The following CCNI variants were observed in gnomAD, a reference collection of about 807,000 sequenced individuals.
The protein encoded by CCNI is cyclin I.
Under a neutral mutation model 34.1 loss-of-function variants are expected in CCNI, and 14 were observed. The ratio of observed to expected loss-of-function variants is 0.41; its 90% CI spans 0.27 to 0.64. CCNI has a LOEUF of 0.64. Ranked by LOEUF, CCNI falls within the 30% of genes least tolerant of loss-of-function variation. The pLI, the probability that CCNI is intolerant of heterozygous loss-of-function variation, is 0.31. For missense variants in CCNI, 385 were observed against 440.5 expected (o/e 0.87, Z 1.13); for synonymous variants, 154 against 158.4 (o/e 0.97, Z 0.21).
In CCNI at chr4:77,069,369, A is replaced by T. The variant is rs1435525410; in HGVS notation, c.-43-2964T>A. On this transcript the variant is annotated intron_variant, in intron 1 of 6. Coordinates refer to ENST00000237654, the MANE Select transcript of CCNI (RefSeq NM_006835.3). ...CACTGCACTCCAGCCCCAGCAACAGAATGAGACCGTGTCTCCAAATAAAGA... is the reference window on the plus strand; with the variant it reads ...CACTGCACTCCAGCCCCAGCAACAGTATGAGACCGTGTCTCCAAATAAAGA... Among the ~76,000 whole-genome samples the T allele has an allele frequency of 3.9e-5, 6 of 152,150 alleles. No homozygotes were observed. The South Asian group carries it at 6.2e-4, about 16-fold the overall frequency.
intron 2 of CCNI, among the ~76,000 whole-genome samples, chr4:77,065,878 C>T (rs1728999174): frequency 6.6e-6 from 1 of 152,182 alleles, no homozygotes; most frequent in African/African-American, 2.4e-5. Flanking sequence ...GGCTGGTGGA[C>T]TGCTTGAGCT....
rs772326265 is a variant in CCNI, at chr4:77,048,508, G to A, written c.845C>T (p.Ser282Phe). The part of the protein sequence containing the change: ...CDKGVFRLHP[S>F]SVPGPDFSKD... Reference sequence around the variant, plus strand: ...GGAGAAGTCTGGGCCTGGGACAGAGGAGGGATGTAATCTGAACACTCCTTT... The same window carrying A: ...GGAGAAGTCTGGGCCTGGGACAGAGAAGGGATGTAATCTGAACACTCCTTT... Residue 282 changes from serine (S) to phenylalanine (F), a missense_variant, in exon 7 of 7, where the codon TCC becomes TTC. Ser to Phe is a radical substitution (Grantham distance 155). Around this residue, in one of 2 missense-constraint regions of CCNI, gnomAD observed 250 missense variants for 248.7 expected, o/e 1.01. Coordinates refer to ENST00000237654, the MANE Select transcript of CCNI (RefSeq NM_006835.3). 12 of 1,614,010 alleles carry A rather than the reference G, an allele frequency of 7.4e-6. No individual in the cohort carries two copies. The East Asian group carries it at 1.8e-4, about 24-fold the overall frequency.
intron 2 of CCNI, among the ~76,000 whole-genome samples, chr4:77,060,057 T>C (rs948528950): frequency 6.6e-6 from 1 of 151,396 alleles, no homozygotes; most frequent in Non-Finnish European, 1.5e-5. Context: ...AGAACACCAT[T>C]AACTCTAACC....
At chr4:77,075,445 G>T in intron 1 of CCNI, 27 bp downstream of exon 1, 1 of 797,472 alleles carries the variant, frequency 1.3e-6, no homozygotes, top group African/African-American at 2.4e-5. Flanking sequence ...GACGCGTCGA[G>T]CCCCCGCCCC....
At position 77,048,400 on chromosome 4, in the gene CCNI, T is replaced by C. The variant is rs1262413743; in HGVS notation, c.953A>G (p.Gln318Arg). 2 of 1,614,178 alleles carry C rather than the reference T, an allele frequency of 1.2e-6. No homozygotes were observed. Among genetic ancestry groups the C allele is most frequent in the Non-Finnish European group, 1.7e-6 (2 of 1,180,016 alleles). The change falls in exon 7 of 7, where the codon CAG becomes CGG. Residue 318 changes from glutamine to arginine, a missense_variant. This residue lies in a region of CCNI where 250 missense variants were observed against 248.7 expected (regional missense o/e 1.01). Coordinates refer to ENST00000237654, the MANE Select transcript of CCNI (RefSeq NM_006835.3). Reference protein sequence around the residue: ...HHLPAASGCKQTSTKRKVEEM... With the variant: ...HHLPAASGCKRTSTKRKVEEM... Reference sequence around the variant, plus strand: ...CTCTACTTTGCGTTTAGTAGAGGTCTGCTTGCACCCACTGGCAGCTGGGAG... The same window carrying C: ...CTCTACTTTGCGTTTAGTAGAGGTCCGCTTGCACCCACTGGCAGCTGGGAG...
Position 77,075,640 on chromosome 4 carries a change from G to A in CCNI, c.-212C>T. The A allele has an allele frequency of 2.3e-6, 2 of 878,428 alleles. No homozygotes were observed. The highest frequency in any genetic ancestry group is 2.7e-6 in the Non-Finnish European group (2 of 734,986). The allele number at this position is 878,428 out of a possible 1,614,324, so 54.4% of individuals were successfully genotyped here. ...AGGAGGGAGAAAGGGGAAGCGGATCGGGGGGCGCGGGCGCGGGCGCTGGCG... is the reference window on the plus strand; with the variant it reads ...AGGAGGGAGAAAGGGGAAGCGGATCAGGGGGCGCGGGCGCGGGCGCTGGCG... On this transcript the variant is annotated 5_prime_UTR_variant, in exon 1 of 7. Transcript: ENST00000237654.
chr4:77,051,341 A>G (rs745599258), intron 6 of CCNI, among the ~76,000 whole-genome samples: 3 of 152,234 alleles, frequency 2.0e-5, no homozygotes, highest in African/African-American at 4.8e-5. Flanking sequence ...GTCACTGGGC[A>G]TAATAAATGC....
At chr4:77,060,559 G>A (rs2109815938) in intron 2 of CCNI, among the ~76,000 whole-genome samples, 1 of 151,728 alleles carries the variant, frequency 6.6e-6, no homozygotes, top group East Asian at 1.9e-4. Context: ...CCAGCCCCAA[G>A]TGATCCTCCC....
Position 77,055,376 on chromosome 4 carries a change from T to C in CCNI, c.464A>G (p.His155Arg). The change falls in exon 6 of 7, where the codon CAT becomes CGT. Residue 155 changes from histidine to arginine, a missense_variant. Physicochemically the swap from His to Arg is conservative, Grantham distance 29. Around this residue, in one of 2 missense-constraint regions of CCNI, gnomAD observed 135 missense variants for 191.8 expected, o/e 0.70. Coordinates refer to ENST00000237654, the MANE Select transcript of CCNI (RefSeq NM_006835.3). ...AGGCCTAGTTGACACTGCAATGGCA[T>C]GGAACTGAAAATCACAAGAACATCA... ...ATPLDFLHIF[H>R]AIAVSTRPQL... 2 of 1,605,212 alleles carry C rather than the reference T, an allele frequency of 1.2e-6. No homozygotes were observed. The highest frequency in any genetic ancestry group is 1.7e-6 in the Non-Finnish European group (2 of 1,172,448).
chr4:77,057,187 C>T (rs1728303069), intron 3 of CCNI, among the ~76,000 whole-genome samples: 3 of 152,130 alleles, frequency 2.0e-5, no homozygotes, highest in Admixed American at 1.3e-4. Context: ...CTACATCTAA[C>T]CTACTTTTCA....
intron 6 of CCNI, among the ~76,000 whole-genome samples, chr4:77,051,954 G>T (rs4252923): frequency 0.022 from 3,052 of 141,380 alleles, 46 homozygotes; most frequent in Admixed American, 0.041. Flanking sequence ...CTGTTTTTTT[G>T]TTTTTTTTTT....
intron 1 of CCNI, among the ~76,000 whole-genome samples, chr4:77,074,305 G>T (rs555797665): frequency 1.3e-5 from 2 of 152,226 alleles, no homozygotes; most frequent in African/African-American, 4.8e-5. Flanking sequence ...CTAGTAGAGG[G>T]GCTCAGAATC....
intron 1 of CCNI, among the ~76,000 whole-genome samples, chr4:77,066,928 T>C (rs542224841): frequency 6.6e-6 from 1 of 152,294 alleles, no homozygotes; most frequent in East Asian, 1.9e-4. Context: ...TATTTAACTA[T>C]GAGCTGAATA....
intron 1 of CCNI, among the ~76,000 whole-genome samples, chr4:77,072,725 G>C (rs1237801856): frequency 6.6e-6 from 1 of 151,614 alleles, no homozygotes. Flanking sequence ...GAGACAAATG[G>C]TGTAAAGGTC....
chr4:77,066,096 G>T, intron 2 of CCNI, 153 bp downstream of exon 2: 1 of 637,964 alleles, frequency 1.6e-6, no homozygotes, highest in Non-Finnish European at 2.7e-6. Context: ...GTGAGACCCT[G>T]TTACACAAAA....
chr4:77,071,775 A>C (rs1022653434), intron 1 of CCNI, among the ~76,000 whole-genome samples: 9 of 152,210 alleles, frequency 5.9e-5, no homozygotes, highest in Admixed American at 1.3e-4. Context: ...AGAAATACAA[A>C]ATACCAAAAC....
At chr4:77,072,733 G>A (rs1315431718) in intron 1 of CCNI, among the ~76,000 whole-genome samples, 3 of 151,590 alleles carry the variant, frequency 2.0e-5, no homozygotes, top group African/African-American at 7.3e-5. Flanking sequence ...TGGTGTAAAG[G>A]TCATTATTGG....
intron 2 of CCNI, 83 bp downstream of exon 2, chr4:77,066,166 T>C (rs180824224): frequency 2.6e-5 from 28 of 1,093,848 alleles, no homozygotes; most frequent in Admixed American, 3.7e-5. Flanking sequence ...ACTCCTCCAA[T>C]GTAGTGTCAA....
At position 77,051,569 on chromosome 4, in the gene CCNI, A is replaced by G. The variant is rs201714403; in HGVS notation, c.691-2907T>C. ...CTCCACTTCCACCCAAGTCCCAAGT[A>G]AGTCTTTTCTCCAAAATAACATCAA... On this transcript the variant is annotated intron_variant, in intron 6 of 6. Coordinates refer to ENST00000237654, the MANE Select transcript of CCNI (RefSeq NM_006835.3). 9.2e-5 allele frequency among the ~76,000 whole-genome samples: 14 copies of G among 152,340 alleles called. No homozygotes were observed. The East Asian group carries it at 2.1e-3, about 23-fold the overall frequency.
Sources: gnomAD v4.1 joint callset for allele counts (sites outside exome capture counted in the v4.1 genomes callset) on GRCh38, gnomAD v4.1.1 for gene constraint, gnomAD v4.1.1 regional missense constraint, MANE v1.5 for transcripts, NCBI Gene and HGNC (gene_info 2026-07-23, HGNC 2026-07-21) for gene names.